The following TNKS variants were observed in gnomAD, a reference collection of about 807,000 sequenced individuals.
TNKS encodes tankyrase.
A neutral mutation model predicts 135.8 loss-of-function variants in TNKS; 72 were observed. The observed-to-expected ratio is 0.53, with a 90% CI of 0.44 to 0.64. TNKS has a LOEUF of 0.64. TNKS is among the 30% of genes least tolerant of loss of function. The pLI is 0.00. For missense variants in TNKS, 1,769 were observed against 1,674.0 expected, an observed-to-expected ratio of 1.06 and a Z score of -0.99; for synonymous variants, 849 against 649.3, an observed-to-expected ratio of 1.31 and a Z score of -4.68.
chr8:9,676,180 T>C (rs984497404), intron 3 of TNKS, among the ~76,000 whole-genome samples: 2 of 151,656 alleles, frequency 1.3e-5, no homozygotes, highest in Non-Finnish European at 2.9e-5. Context: ...CCTGGCTAAT[T>C]TTTTGTGTTT....
chr8:9,623,844 A>C (rs559479758), intron 3 of TNKS, among the ~76,000 whole-genome samples: 1 of 152,206 alleles, frequency 6.6e-6, no homozygotes, highest in African/African-American at 2.4e-5. Context: ...TCTACCAAAA[A>C]TACAAAATTT....
At chr8:9,651,905 C>A (rs1011982581) in intron 3 of TNKS, among the ~76,000 whole-genome samples, 1 of 152,092 alleles carries the variant, frequency 6.6e-6, no homozygotes, top group Non-Finnish European at 1.5e-5. Flanking sequence ...TACATATTAT[C>A]CTTCACTCGA....
intron 22 of TNKS, 117 bp downstream of exon 22, chr8:9,763,361 G>T (rs1021261887): frequency 3.9e-6 from 2 of 519,314 alleles, no homozygotes; most frequent in Non-Finnish European, 6.3e-6. Context: ...TAATCAGTCT[G>T]TCTTAGCCAC....
At chr8:9,681,804 T>A (rs1186067145) in intron 5 of TNKS, among the ~76,000 whole-genome samples, 1 of 152,138 alleles carries the variant, frequency 6.6e-6, no homozygotes, top group Non-Finnish European at 1.5e-5. Flanking sequence ...TCCCCACTTT[T>A]TCTCTATTTT....
intron 17 of TNKS, among the ~76,000 whole-genome samples, chr8:9,743,214 A>C (rs1435784811): frequency 2.0e-5 from 3 of 152,208 alleles, no homozygotes; most frequent in Admixed American, 6.5e-5. Flanking sequence ...GAGCAACTGT[A>C]GGTATAGTGT....
chr8:9,615,779 A>G, intron 3 of TNKS, 102 bp downstream of exon 3: 1 of 819,352 alleles, frequency 1.2e-6, no homozygotes. Flanking sequence ...TGATGAAGCT[A>G]AGCAAATATA....
chr8:9,670,336 A>C (rs1055960683), intron 3 of TNKS: 3 of 152,212 alleles, frequency 2.0e-5, no homozygotes, highest in South Asian at 4.1e-4. Flanking sequence ...GGAGAAATGG[A>C]AGGTGGAGAT....
intron 12 of TNKS, among the ~76,000 whole-genome samples, chr8:9,723,855 G>A (rs1039466304): frequency 9.2e-5 from 14 of 152,060 alleles, no homozygotes; most frequent in African/African-American, 2.7e-4. Flanking sequence ...GAATTCTTGC[G>A]ATTGTATAAC....
intron 3 of TNKS, among the ~76,000 whole-genome samples, chr8:9,624,625 T>G (rs897722271): frequency 7.2e-5 from 11 of 152,272 alleles, no homozygotes; most frequent in Middle Eastern, 3.4e-3. Flanking sequence ...TTTGTACTTT[T>G]CTCTACTTAT....
At chr8:9,594,919 A>G (rs1585208986) in intron 2 of TNKS, among the ~76,000 whole-genome samples, 2 of 152,194 alleles carry the variant, frequency 1.3e-5, no homozygotes, top group South Asian at 2.1e-4. Flanking sequence ...CACACTGTCT[A>G]TTTATATATC....
intron 3 of TNKS, among the ~76,000 whole-genome samples, chr8:9,644,741 A>G (rs1172576855): frequency 2.6e-5 from 4 of 152,194 alleles, no homozygotes; most frequent in African/African-American, 9.7e-5. Context: ...ATATACAGAC[A>G]GTCCTCGACT....
chr8:9,639,461 C>T (rs1408988062), intron 3 of TNKS, among the ~76,000 whole-genome samples: 1 of 149,444 alleles, frequency 6.7e-6, no homozygotes, highest in East Asian at 1.9e-4. Flanking sequence ...AATATGGTCA[C>T]TTTAAAATGT....
At chr8:9,720,031 T>G (rs916090236) in intron 11 of TNKS, among the ~76,000 whole-genome samples, 1 of 152,190 alleles carries the variant, frequency 6.6e-6, no homozygotes, top group Non-Finnish European at 1.5e-5. Context: ...AAGAATTTGG[T>G]GAGCATCCTC....
At chr8:9,628,307 T>A (rs1800142921) in intron 3 of TNKS, among the ~76,000 whole-genome samples, 1 of 152,206 alleles carries the variant, frequency 6.6e-6, no homozygotes, top group Non-Finnish European at 1.5e-5. Flanking sequence ...ACTCACCTGG[T>A]ACTGTTTTCA....
In TNKS at chr8:9,681,059, C is replaced by T. The variant is rs1035954112; in HGVS notation, c.1107+259C>T. ...TTGTTACATGAAACTGCAGTTTTGT[C>T]GGTGATTAAAATTACAGCATATGCT... On this transcript the variant is annotated intron_variant, in intron 5 of 26. Transcript: ENST00000310430. 5.2e-5 allele frequency: 16 copies of T among 307,520 alleles called. No individual in the cohort carries two copies. In the East Asian group the frequency reaches 5.9e-4, roughly 11 times the overall value. The allele number at this position is 307,520 out of a possible 1,614,324, so 19.0% of individuals were successfully genotyped here.
At chr8:9,562,185 G>A (rs61551896) in intron 1 of TNKS, among the ~76,000 whole-genome samples, 42,774 of 151,618 alleles carry the variant, frequency 0.28, 6,344 homozygotes, top group East Asian at 0.39. Flanking sequence ...ATTCAGTTTT[G>A]TTGGGTTATC....
chr8:9,740,233 T>G (rs954920759), intron 17 of TNKS, among the ~76,000 whole-genome samples: 2 of 152,116 alleles, frequency 1.3e-5, no homozygotes, highest in African/African-American at 4.8e-5. Flanking sequence ...GGATGAATGC[T>G]CATGTGCTTG....
rs1165949584 is a variant in TNKS, at chr8:9,756,535, G to A, written c.3153+3909G>A. 2.0e-5 allele frequency among the ~76,000 whole-genome samples: 3 copies of A among 151,152 alleles called. No homozygotes were observed. In the Admixed American group the frequency reaches 2.0e-4, roughly 10 times the overall value. ...ATAACTAAGTCAAGGTTTTAAAAAA[G>A]GAGCAAGTTAATTTAAATATGATTT... On this transcript the variant is annotated intron_variant, in intron 20 of 26. Coordinates refer to ENST00000310430, the MANE Select transcript of TNKS (RefSeq NM_003747.3).
chr8:9,771,727 CAG>C (rs1211949321), intron 26 of TNKS, among the ~76,000 whole-genome samples: 4 of 90,400 alleles, frequency 4.4e-5, no homozygotes, highest in East Asian at 3.3e-4. Context: ...GAGGAAGGAA[CAG>C]GGAGTGAGAA....
Sources: gnomAD v4.1 joint callset for allele counts (sites outside exome capture counted in the v4.1 genomes callset) on GRCh38, gnomAD v4.1.1 for gene constraint, MANE v1.5 for transcripts, NCBI Gene and HGNC (gene_info 2026-07-23, HGNC 2026-07-21) for gene names.